Variants in ERICH1 observed in about 807,000 individuals in gnomAD.
The protein encoded by ERICH1 is glutamate-rich protein 1.
In ERICH1, 56 loss-of-function variants were observed where a neutral mutation model predicts 39.6. That is an observed-to-expected ratio of 1.41 (90% CI 1.14 to 1.77). ERICH1 has a LOEUF of 1.77. Ranked by LOEUF, ERICH1 falls within the 40% of genes most tolerant of loss-of-function variation. The pLI, the probability that ERICH1 is intolerant of heterozygous loss-of-function variation, is 0.00. For missense variants in ERICH1, 826 were observed against 575.4 expected (o/e 1.44, Z -4.45); for synonymous variants, 313 against 223.6 (o/e 1.40, Z -3.57).
chr8:687,234 G>C (rs967096095), intron 3 of ERICH1, among the ~76,000 whole-genome samples: 7 of 152,190 alleles, frequency 4.6e-5, no homozygotes, highest in African/African-American at 7.2e-5. Flanking sequence ...AGCTGGATCT[G>C]AGCACAGAAT....
intron 4 of ERICH1, 96 bp from the exon 5 acceptor site, chr8:668,888 C>G: frequency 5.6e-6 from 6 of 1,077,478 alleles, no homozygotes; most frequent in Admixed American, 2.8e-5. Flanking sequence ...CTCAAACCTA[C>G]GCTTCCACAC....
chr8:695,706 C>T (rs193210072), intron 2 of ERICH1, among the ~76,000 whole-genome samples: 18 of 94,856 alleles, frequency 1.9e-4, no homozygotes, highest in African/African-American at 8.7e-4. Flanking sequence ...GCTCCTCTCG[C>T]CCTCCACTCC....
At position 709,365 on chromosome 8, in the gene ERICH1, C is replaced by G. The variant is rs556383110; in HGVS notation, c.169+6496G>C. On this transcript the variant is annotated intron_variant, in intron 2 of 5. Transcript: ENST00000262109. ...AACCGAAGCAGGGGCAGCATCTGCA[C>G]CCTCACCCTGGGGGGTTCAGCCCTC... Among the ~76,000 whole-genome samples, 195 of 152,314 alleles carry G rather than the reference C, an allele frequency of 1.3e-3. 1 individual carries two copies. The highest frequency in any genetic ancestry group is 0.012 in the South Asian group (58 of 4,832).
intron 5 of ERICH1, among the ~76,000 whole-genome samples, chr8:665,431 G>T (rs370872707): frequency 1.3e-5 from 2 of 152,302 alleles, no homozygotes; most frequent in African/African-American, 2.4e-5. Context: ...GTTGCACCTG[G>T]AATCTACTGC....
Position 692,582 on chromosome 8 carries a change from CGTCGGGCA to C in ERICH1, c.192_199del (p.Arg66LeufsTer8), listed in dbSNP as rs1809166850. 2 of 1,607,310 alleles carry C rather than the reference CGTCGGGCA, an allele frequency of 1.2e-6. No individual in the cohort carries two copies. The highest frequency in any genetic ancestry group is 4.5e-5 in the East Asian group (2 of 44,408). On this transcript the variant is annotated frameshift_variant, in exon 3 of 6. Coordinates refer to ENST00000262109, the MANE Select transcript of ERICH1 (RefSeq NM_207332.3). LOFTEE classifies it high-confidence loss of function. ...AGGAGGCCCGCTGGCAGTGTAGAGC[CGTCGGGCA>C]GTCGGGGTCTCAGAGCCAGTGTCTG...
At chr8:716,198 T>C (rs1024598122) in intron 1 of ERICH1, among the ~76,000 whole-genome samples, 191 bp from the exon 2 acceptor site, 3 of 152,188 alleles carry the variant, frequency 2.0e-5, no homozygotes, top group African/African-American at 7.2e-5. Flanking sequence ...AGAGGAACCC[T>C]TGAGGCTGGC....
At chr8:652,506 G>A (rs1362271606) in intron 3 of ERICH1, among the ~76,000 whole-genome samples, 1 of 152,210 alleles carries the variant, frequency 6.6e-6, no homozygotes. Context: ...GATGGTTCTG[G>A]CTCACACCTG....
chr8:662,801 C>A (rs929894925), downstream of ERICH1, among the ~76,000 whole-genome samples: 1 of 152,206 alleles, frequency 6.6e-6, no homozygotes, highest in Non-Finnish European at 1.5e-5. Context: ...CAGGTTCTTA[C>A]TGTGGGAAGA....
chr8:660,103 G>C (rs937592509), downstream of ERICH1, among the ~76,000 whole-genome samples: 1 of 151,908 alleles, frequency 6.6e-6, no homozygotes, highest in African/African-American at 2.4e-5. Context: ...CCCGAAGGCA[G>C]GGCCTTCCCC....
At chr8:677,939 C>T (rs919646761) in intron 3 of ERICH1, among the ~76,000 whole-genome samples, 6 of 152,242 alleles carry the variant, frequency 3.9e-5, no homozygotes, top group African/African-American at 1.4e-4. Context: ...CAGTGTCGTA[C>T]CCCGGGGTCA....
At chr8:641,772 A>T (rs1255817377) in intron 3 of ERICH1, among the ~76,000 whole-genome samples, 1 of 152,074 alleles carries the variant, frequency 6.6e-6, no homozygotes, top group Non-Finnish European at 1.5e-5. Context: ...CTCATCTCAG[A>T]TGCCGCCTTG....
chr8:728,382 C>A (rs1465881616), intron 1 of ERICH1, among the ~76,000 whole-genome samples: 1 of 152,188 alleles, frequency 6.6e-6, no homozygotes, highest in Non-Finnish European at 1.5e-5. Flanking sequence ...CTGGTCAACG[C>A]CAGATGCAGT....
intron 4 of ERICH1, among the ~76,000 whole-genome samples, chr8:672,497 G>A (rs183237431): frequency 9.1e-4 from 139 of 152,228 alleles, no homozygotes; most frequent in African/African-American, 3.1e-3. Flanking sequence ...ACCATCAAAT[G>A]CCTTGCTTAA....
At chr8:670,054 T>C (rs926870154) in intron 4 of ERICH1, among the ~76,000 whole-genome samples, 10 of 152,330 alleles carry the variant, frequency 6.6e-5, no homozygotes, top group African/African-American at 2.4e-4. Flanking sequence ...GGCTCTTTCC[T>C]GTGTTTTCCA....
intron 3 of ERICH1, among the ~76,000 whole-genome samples, chr8:690,661 G>C (rs1434173683): frequency 1.3e-5 from 2 of 152,266 alleles, no homozygotes; most frequent in Admixed American, 1.3e-4. Context: ...GCCGATCCAA[G>C]TTGCTGTGGG....
chr8:627,842 G>A (rs1797682633), intron 3 of ERICH1, among the ~76,000 whole-genome samples: 1 of 152,174 alleles, frequency 6.6e-6, no homozygotes. Context: ...ACAGGCTGGG[G>A]AGCCCAGGAA....
rs776178951 is a variant in ERICH1 at position 668,796 on chromosome 8, C to CG, written c.1064-5_1064-4insC. 1.3e-6 allele frequency: 2 copies of CG among 1,581,986 alleles called. No individual in the cohort carries two copies. The highest frequency in any genetic ancestry group is 1.4e-5 in the African/African-American group (1 of 73,534). The stretch of plus-strand genomic sequence containing the variant: ...GAAGCTGCATCTCTGGAGACACCTA[C>CG]ATAAAGTCAGTTTTGCTTGGAAATA... On this transcript the variant is annotated splice_region_variant and splice_polypyrimidine_tract_variant and intron_variant, in intron 4 of 5. Transcript: ENST00000262109.
intron 2 of ERICH1, among the ~76,000 whole-genome samples, chr8:699,294 C>G (rs77333806): frequency 0.022 from 3,332 of 152,224 alleles, 122 homozygotes; most frequent in African/African-American, 0.076. Context: ...CCGGGGGGAG[C>G]GCCAGCCCCA....
At chr8:695,455 G>C (rs1410389312) in intron 2 of ERICH1, among the ~76,000 whole-genome samples, 2 of 152,008 alleles carry the variant, frequency 1.3e-5, no homozygotes, top group Non-Finnish European at 2.9e-5. Context: ...AGCCATCCCT[G>C]CCTCTGAGAG....
Sources: gnomAD v4.1 joint callset for allele counts (sites outside exome capture counted in the v4.1 genomes callset) on GRCh38, gnomAD v4.1.1 for gene constraint, MANE v1.5 for transcripts, NCBI Gene and HGNC (gene_info 2026-07-23, HGNC 2026-07-21) for gene names.